Variants in FARP1 observed in about 807,000 individuals in gnomAD.
FARP1 encodes the protein FERM, ARHGEF and pleckstrin domain-containing protein 1.
In FARP1, 52 loss-of-function variants were observed where a neutral mutation model predicts 128.8. That is an observed-to-expected ratio of 0.40 (90% CI 0.32 to 0.51). The LOEUF is 0.51. Ranked by LOEUF, FARP1 falls within the 20% of genes least tolerant of loss-of-function variation. The pLI is 0.45. For synonymous variants in FARP1, 580 were observed against 551.8 expected (o/e 1.05, Z -0.72); for missense variants, 1,333 against 1,367.9 (o/e 0.97, Z 0.40).
At chr13:98,287,126 C>A (rs1885208805) in intron 2 of FARP1, among the ~76,000 whole-genome samples, 1 of 150,274 alleles carries the variant, frequency 6.7e-6, no homozygotes, top group African/African-American at 2.5e-5. Context: ...CTTTTCCTTT[C>A]ATCTTCCAAA....
chr13:98,148,773 T>A (rs1875758148), intron 1 of FARP1, among the ~76,000 whole-genome samples: 1 of 152,238 alleles, frequency 6.6e-6, no homozygotes, highest in South Asian at 2.1e-4. Context: ...TCTGGTCCCA[T>A]TGCTGTTGCT....
chr13:98,274,181 T>C (rs564537404), intron 2 of FARP1, among the ~76,000 whole-genome samples: 87 of 152,246 alleles, frequency 5.7e-4, no homozygotes, highest in African/African-American at 2.1e-3. Flanking sequence ...ATTTTGTCTG[T>C]GTGATTGTTA....
At chr13:98,366,729 G>A (rs185667521) in intron 4 of FARP1, among the ~76,000 whole-genome samples, 5 of 152,306 alleles carry the variant, frequency 3.3e-5, no homozygotes, top group East Asian at 3.9e-4. Flanking sequence ...AGTGAAAATC[G>A]CAGAGAATAA....
At chr13:98,309,154 T>C (rs1370100530) in intron 2 of FARP1, among the ~76,000 whole-genome samples, 7 of 5,390 alleles carry the variant, frequency 1.3e-3, no homozygotes, top group Non-Finnish European at 2.9e-3. Flanking sequence ...TTAAGAGGCC[T>C]TTTTTTTTTT....
chr13:98,416,307 A>G (rs139021476), intron 16 of FARP1, among the ~76,000 whole-genome samples: 25 of 152,382 alleles, frequency 1.6e-4, no homozygotes, highest in South Asian at 6.2e-4. Context: ...AATTTGGTAT[A>G]TAAGTGATCT....
chr13:98,197,187 C>T (rs1482093954), intron 1 of FARP1, among the ~76,000 whole-genome samples: 2 of 152,152 alleles, frequency 1.3e-5, no homozygotes, highest in Admixed American at 1.3e-4. Flanking sequence ...ATGATGTTGG[C>T]CAGGCGTGGT....
At chr13:98,312,587 C>T (rs1886525505) in intron 2 of FARP1, among the ~76,000 whole-genome samples, 1 of 151,948 alleles carries the variant, frequency 6.6e-6, no homozygotes, top group Admixed American at 6.5e-5. Context: ...ATAATGCTTC[C>T]CCCCCCACCG....
intron 2 of FARP1, among the ~76,000 whole-genome samples, chr13:98,317,696 C>T (rs1886783217): frequency 6.6e-6 from 1 of 152,216 alleles, no homozygotes; most frequent in African/African-American, 2.4e-5. Context: ...ACGTCACTGA[C>T]TGGATGGCTT....
chr13:98,330,841 A>T (rs1205650156), intron 2 of FARP1, among the ~76,000 whole-genome samples: 3 of 152,154 alleles, frequency 2.0e-5, no homozygotes, highest in Non-Finnish European at 4.4e-5. Context: ...ATGAGTGTCC[A>T]CAGATGTATG....
At chr13:98,209,281 T>G (rs939544696) in intron 1 of FARP1, among the ~76,000 whole-genome samples, 21 of 150,780 alleles carry the variant, frequency 1.4e-4, no homozygotes, top group Non-Finnish European at 2.8e-4. Context: ...GTGCTGGGAT[T>G]ACAGGCGTGA....
chr13:98,313,109 TACACACACACACAC>T (rs10565192), intron 2 of FARP1, among the ~76,000 whole-genome samples: 1 of 138,276 alleles, frequency 7.2e-6, no homozygotes, highest in African/African-American at 2.7e-5. Flanking sequence ...TGGGTCATAA[TACACACACACACAC>T]ACACACACAC....
intron 18 of FARP1, chr13:98,433,158 T>G (rs9669852): frequency 0.046 from 7,027 of 152,246 alleles, 337 homozygotes; most frequent in African/African-American, 0.12. Context: ...AAGCAGCGGC[T>G]ACATCCCACT....
chr13:98,453,193 C>T lies in FARP1; in HGVS notation c.*4876C>T, dbSNP rs762324256. 6.2e-7 allele frequency: 1 copy of T among 1,613,486 alleles called. No individual in the cohort carries two copies. The highest frequency in any genetic ancestry group is 8.5e-7 in the Non-Finnish European group (1 of 1,179,760). On this transcript the variant is annotated 3_prime_UTR_variant, in exon 27 of 27. Coordinates refer to ENST00000319562, the MANE Select transcript of FARP1 (RefSeq NM_005766.4). ...GAATTTCAGTGGGATGAAGTTCCTCCACCACTTAGAGAGTATCTAGGGAAA... is the reference window on the plus strand; with the variant it reads ...GAATTTCAGTGGGATGAAGTTCCTCTACCACTTAGAGAGTATCTAGGGAAA...
chr13:98,148,223 A>G (rs542327228), intron 1 of FARP1, among the ~76,000 whole-genome samples: 2 of 152,306 alleles, frequency 1.3e-5, no homozygotes, highest in South Asian at 4.1e-4. Context: ...TACTAAAAAT[A>G]CAAAATTAGC....
Position 98,151,660 on chromosome 13 carries a change from CTTTT to C in FARP1, c.-24+8184_-24+8187del, listed in dbSNP as rs34250002. Among the ~76,000 whole-genome samples the C allele has an allele frequency of 4.3e-5, 3 of 69,224 alleles. 1 individual carries two copies. The East Asian group carries it at 1.7e-3, about 39-fold the overall frequency. The allele number at this position is 69,224 out of a possible 152,430, so 45.4% of individuals were successfully genotyped here. ...AAACCTGCCCTTATATATCTTCCAT[CTTTT>C]TTTTTTTTTTTTTTTGAGACGGAGT... On this transcript the variant is annotated intron_variant, in intron 1 of 26. Transcript: ENST00000319562.
intron 2 of FARP1, among the ~76,000 whole-genome samples, chr13:98,272,006 G>A (rs1054906455): frequency 1.2e-4 from 18 of 151,932 alleles, no homozygotes; most frequent in Non-Finnish European, 1.6e-4. Flanking sequence ...TTGAGGAATC[G>A]CCATACTGTC....
chr13:98,302,929 G>C (rs1457246666), intron 2 of FARP1, among the ~76,000 whole-genome samples: 5 of 152,212 alleles, frequency 3.3e-5, no homozygotes, highest in Non-Finnish European at 1.5e-5. Context: ...AGCTGAGGGA[G>C]GAGGTAGTGA....
At chr13:98,192,320 G>A (rs17269215) in intron 1 of FARP1, among the ~76,000 whole-genome samples, 6,071 of 151,984 alleles carry the variant, frequency 0.04, 156 homozygotes, top group Non-Finnish European at 0.06. Flanking sequence ...GGTATTTATG[G>A]TATTGGTCCA....
intron 1 of FARP1, among the ~76,000 whole-genome samples, chr13:98,171,632 G>A (rs1234119545): frequency 6.6e-6 from 1 of 152,054 alleles, no homozygotes; most frequent in Non-Finnish European, 1.5e-5. Flanking sequence ...ATTTTACCAA[G>A]GTATAACATA....
Sources: gnomAD v4.1 joint callset for allele counts (sites outside exome capture counted in the v4.1 genomes callset) on GRCh38, gnomAD v4.1.1 for gene constraint, MANE v1.5 for transcripts, NCBI Gene and HGNC (gene_info 2026-07-23, HGNC 2026-07-21) for gene names.